The following WNT2 variants were observed in gnomAD, a reference collection of about 807,000 sequenced individuals.
WNT2 encodes the protein Wnt family member 2.
In WNT2, 12 loss-of-function variants were observed where a neutral mutation model predicts 36.9. That is an observed-to-expected ratio of 0.33 (90% CI 0.21 to 0.53). WNT2 has a LOEUF of 0.53. WNT2 is among the 20% of genes least tolerant of loss of function. The pLI, the probability that WNT2 is intolerant of heterozygous loss-of-function variation, is 0.95. For synonymous variants in WNT2, 163 were observed against 174.6 expected, an observed-to-expected ratio of 0.93 and a Z score of 0.52; for missense variants, 379 against 473.1, an observed-to-expected ratio of 0.80 and a Z score of 1.84.
chr7:117,308,518 T>G (rs1482273207), intron 3 of WNT2, among the ~76,000 whole-genome samples: 1 of 152,194 alleles, frequency 6.6e-6, no homozygotes, highest in African/African-American at 2.4e-5. Context: ...ATATGATAAA[T>G]AAAGATCTCT....
intron 2 of WNT2, among the ~76,000 whole-genome samples, chr7:117,318,486 G>GA (rs1340177555): frequency 6.6e-6 from 1 of 152,130 alleles, no homozygotes; most frequent in Non-Finnish European, 1.5e-5. Context: ...TGCTTCATCT[G>GA]AAAAAAATCT....
At chr7:117,279,619 G>C (rs1467083288) in intron 4 of WNT2, among the ~76,000 whole-genome samples, 1 of 152,124 alleles carries the variant, frequency 6.6e-6, no homozygotes, top group African/African-American at 2.4e-5. Flanking sequence ...AAGAAATGCT[G>C]CCCAGATCCT....
At position 117,315,124 on chromosome 7, in the gene WNT2, C is replaced by T. The variant is rs777488567; in HGVS notation, c.535G>A (p.Gly179Arg). The change falls in exon 3 of 5, where the codon GGA becomes AGA. Residue 179 changes from glycine to arginine, a missense_variant. Coordinates refer to ENST00000265441, the MANE Select transcript of WNT2 (RefSeq NM_003391.3). ...RAFVDAKERK[G>R]KDARALMNLH... ...TTCATCAGGGCTCTGGCATCCTTTCCTTTCCTTTCCTTTGCATCCACAAAT... is the reference window on the plus strand; with the variant it reads ...TTCATCAGGGCTCTGGCATCCTTTCTTTTCCTTTCCTTTGCATCCACAAAT... 2 of 1,614,224 alleles carry T rather than the reference C, an allele frequency of 1.2e-6. No individual in the cohort carries two copies. The highest frequency in any genetic ancestry group is 2.2e-5 in the South Asian group (2 of 91,082).
chr7:117,281,176 C>G (rs6950765), intron 4 of WNT2, among the ~76,000 whole-genome samples: 97,093 of 152,030 alleles, frequency 0.64, 31,207 homozygotes, highest in East Asian at 0.74. Flanking sequence ...TTCAGGGAGG[C>G]TATTAGGGAC....
At chr7:117,315,763 T>A (rs1795203432) in intron 2 of WNT2, among the ~76,000 whole-genome samples, 4 of 152,204 alleles carry the variant, frequency 2.6e-5, no homozygotes, top group Admixed American at 2.6e-4. Flanking sequence ...CACAATATAG[T>A]TGGGTACTCA....
At chr7:117,310,205 C>A (rs1266308893) in intron 3 of WNT2, among the ~76,000 whole-genome samples, 1 of 152,150 alleles carries the variant, frequency 6.6e-6, no homozygotes, top group Non-Finnish European at 1.5e-5. Context: ...ATTTAACTTT[C>A]TCTCCCACTG....
Position 117,322,900 on chromosome 7 carries a change from G to T in WNT2, c.83+7C>A. On this transcript the variant is annotated splice_region_variant and intron_variant, in intron 1 of 4. Coordinates refer to ENST00000265441, the MANE Select transcript of WNT2 (RefSeq NM_003391.3). This position sits in a 1 kb window ranked among gnomAD's most constrained non-coding sequence, Gnocchi z 5.4. Reference sequence around the variant, plus strand: ...AAAATCCCCCGCGCCCGTGCGCGTGGACTTACCACCATGAAGAGTTGACCT... The same window carrying T: ...AAAATCCCCCGCGCCCGTGCGCGTGTACTTACCACCATGAAGAGTTGACCT... The T allele has an allele frequency of 6.2e-7, 1 of 1,613,600 alleles. No homozygotes were observed. Among genetic ancestry groups the T allele is most frequent in the Non-Finnish European group, 8.5e-7 (1 of 1,179,930 alleles).
chr7:117,322,536 TAC>T lies in WNT2; in HGVS notation c.83+369_83+370del, dbSNP rs144898264. Reference sequence around the variant, plus strand: ...GCGGTTGTAGTTTTCAAGGTGAATTTACACACACACACACACACACACACACA... The same window carrying T: ...GCGGTTGTAGTTTTCAAGGTGAATTTACACACACACACACACACACACACA... On this transcript the variant is annotated intron_variant, in intron 1 of 4. Coordinates refer to ENST00000265441, the MANE Select transcript of WNT2 (RefSeq NM_003391.3). This position sits in a 1 kb window ranked among gnomAD's most constrained non-coding sequence, Gnocchi z 5.4. Among the ~76,000 whole-genome samples the T allele has an allele frequency of 0.027, 3,424 of 127,942 alleles. 51 individuals carry two copies. Among genetic ancestry groups the T allele is most frequent in the Non-Finnish European group, 0.025 (1,559 of 62,316 alleles). 83.9% of individuals were successfully genotyped at this position (127,942 alleles called of 152,430 possible).
In WNT2 at chr7:117,276,330, A is replaced by G. The variant is rs1794377204; in HGVS notation, c.*1825T>C. Among the ~76,000 whole-genome samples, 1 of 152,264 alleles carries G rather than the reference A, an allele frequency of 6.6e-6. No individual in the cohort carries two copies. Among genetic ancestry groups the G allele is most frequent in the African/African-American group, 2.4e-5 (1 of 41,468 alleles). Reference sequence around the variant, plus strand: ...CATGAAGGAATTCACACCAACCTTCAGGGTAACTGAAGACTGAGCAGCTGC... The same window carrying G: ...CATGAAGGAATTCACACCAACCTTCGGGGTAACTGAAGACTGAGCAGCTGC... On this transcript the variant is annotated 3_prime_UTR_variant, in exon 5 of 5. Coordinates refer to ENST00000265441, the MANE Select transcript of WNT2 (RefSeq NM_003391.3).
In WNT2 at chr7:117,303,180, C is replaced by T. The variant is rs927957162; in HGVS notation, c.589-5304G>A. On this transcript the variant is annotated intron_variant, in intron 3 of 4. Coordinates refer to ENST00000265441, the MANE Select transcript of WNT2 (RefSeq NM_003391.3). ...TATGCAGTCAGGGTTCAGAATCATC[C>T]AGACCCAGGGATGCAGAGGAGAAGG... Among the ~76,000 whole-genome samples the T allele has an allele frequency of 1.6e-3, 243 of 152,292 alleles. 1 individual carries two copies. Among genetic ancestry groups the T allele is most frequent in the African/African-American group, 5.7e-3 (238 of 41,558 alleles).
chr7:117,288,392 C>T (rs542218919), intron 4 of WNT2, among the ~76,000 whole-genome samples: 1 of 152,158 alleles, frequency 6.6e-6, no homozygotes, highest in Non-Finnish European at 1.5e-5. Flanking sequence ...CAATCTGTAG[C>T]ACCAAAGTCT....
chr7:117,299,109 T>G (rs1220644021), intron 3 of WNT2, among the ~76,000 whole-genome samples: 1 of 152,190 alleles, frequency 6.6e-6, no homozygotes, highest in Non-Finnish European at 1.5e-5. Context: ...CTGGGCATCT[T>G]TAAAGGATGT....
At chr7:117,316,765 A>G (rs1390753875) in intron 2 of WNT2, among the ~76,000 whole-genome samples, 1 of 152,214 alleles carries the variant, frequency 6.6e-6, no homozygotes, top group Non-Finnish European at 1.5e-5. Flanking sequence ...GTAGTTAGGT[A>G]AAATCAATTA....
intron 4 of WNT2, among the ~76,000 whole-genome samples, chr7:117,283,132 T>C (rs1476910205): frequency 6.6e-6 from 1 of 152,058 alleles, no homozygotes; most frequent in African/African-American, 2.4e-5. Context: ...GGCATTCAGG[T>C]AGAAATGTTT....
chr7:117,301,853 G>C (rs1699294674), intron 3 of WNT2, among the ~76,000 whole-genome samples: 2 of 147,170 alleles, frequency 1.4e-5, no homozygotes, highest in African/African-American at 5.1e-5. Flanking sequence ...TGTCACCCAG[G>C]CTGGAGTGCA....
intron 4 of WNT2, among the ~76,000 whole-genome samples, chr7:117,289,903 G>A (rs1243794058): frequency 6.6e-6 from 1 of 152,190 alleles, no homozygotes; most frequent in Non-Finnish European, 1.5e-5. Flanking sequence ...GGTCCCAGTG[G>A]TACCCGGGAT....
intron 4 of WNT2, among the ~76,000 whole-genome samples, chr7:117,288,918 G>T (rs1794634624): frequency 6.6e-6 from 1 of 151,984 alleles, no homozygotes; most frequent in African/African-American, 2.4e-5. Context: ...GTTAATATGA[G>T]AATTAGGAAC....
chr7:117,305,425 T>TA (rs996165798), intron 3 of WNT2, among the ~76,000 whole-genome samples: 1 of 152,206 alleles, frequency 6.6e-6, no homozygotes, highest in Non-Finnish European at 1.5e-5. Flanking sequence ...GATTAGGCTA[T>TA]AAAAAAGTTC....
intron 4 of WNT2, among the ~76,000 whole-genome samples, chr7:117,291,926 C>T (rs1563200086): frequency 6.6e-6 from 1 of 151,884 alleles, no homozygotes; most frequent in Non-Finnish European, 1.5e-5. Flanking sequence ...TACAGGCATG[C>T]ACCACCACGC....
Sources: allele counts gnomAD v4.1 joint callset (sites outside exome capture counted in the v4.1 genomes callset), GRCh38; gene constraint gnomAD v4.1.1; non-coding constraint Gnocchi (gnomAD v3.1); transcripts MANE v1.5; gene names NCBI Gene and HGNC (gene_info 2026-07-23, HGNC 2026-07-21).